Variants in FGF14 observed in about 807,000 individuals in gnomAD.
The protein encoded by FGF14 is fibroblast growth factor 14.
A neutral mutation model predicts 25.5 loss-of-function variants in FGF14; 5 were observed. The ratio of observed to expected loss-of-function variants is 0.20; its 90% CI spans 0.10 to 0.41. FGF14 has a LOEUF of 0.41. FGF14 is among the 10% of genes least tolerant of loss of function. The probability of loss-of-function intolerance (pLI) is 1.00; values close to 1 mark genes in which losing one functional copy is unlikely to be tolerated. For missense variants in FGF14, 222 were observed against 320.1 expected, an observed-to-expected ratio of 0.69 and a Z score of 2.34; for synonymous variants, 138 against 118.3, an observed-to-expected ratio of 1.17 and a Z score of -1.08.
chr13:101,864,296 A>T (rs112098872), intron 3 of FGF14, among the ~76,000 whole-genome samples: 58 of 152,250 alleles, frequency 3.8e-4, no homozygotes, highest in African/African-American at 1.3e-3. Context: ...TAGAAAATCC[A>T]AATATTTAGT....
intron 1 of FGF14, among the ~76,000 whole-genome samples, chr13:101,975,047 A>G (rs942138920): frequency 2.0e-5 from 3 of 152,002 alleles, no homozygotes; most frequent in African/African-American, 7.2e-5. Context: ...ACAAGAGAAG[A>G]TGAAGGGATG....
At chr13:101,934,036 T>C (rs1413806274) in intron 1 of FGF14, among the ~76,000 whole-genome samples, 1 of 152,190 alleles carries the variant, frequency 6.6e-6, no homozygotes, top group African/African-American at 2.4e-5. Flanking sequence ...AACTCTTGTA[T>C]TCAATTTGGT....
At position 101,715,571 on chromosome 13, in the gene FGF14, A is replaced by C. The variant is rs1281564799; in HGVS notation, c.*7260T>G. 10 of 1,611,048 alleles carry C rather than the reference A, an allele frequency of 6.2e-6. No homozygotes were observed. The East Asian group carries it at 2.2e-4, about 36-fold the overall frequency. On this transcript the variant is annotated 3_prime_UTR_variant, in exon 5 of 5. Transcript: ENST00000376143. ...TATGTATTTTATTGCAGGGAATGGAATATGTAGCTGTGGAAACTGTGAATG... is the reference window on the plus strand; with the variant it reads ...TATGTATTTTATTGCAGGGAATGGACTATGTAGCTGTGGAAACTGTGAATG...
chr13:101,882,553 T>G (rs1267701964), intron 1 of FGF14, among the ~76,000 whole-genome samples: 1 of 149,536 alleles, frequency 6.7e-6, no homozygotes, highest in Non-Finnish European at 1.5e-5. Context: ...ATTTTCTGTT[T>G]TTTTTTTTTA....
At chr13:101,998,653 T>C (rs1224934545) in intron 1 of FGF14, among the ~76,000 whole-genome samples, 2 of 152,238 alleles carry the variant, frequency 1.3e-5, no homozygotes, top group East Asian at 1.9e-4. Context: ...TGCTCCAGTC[T>C]ACCCTCACAC....
chr13:101,923,395 T>C (rs1327907002), intron 1 of FGF14, among the ~76,000 whole-genome samples: 2 of 152,096 alleles, frequency 1.3e-5, no homozygotes, highest in Admixed American at 6.5e-5. Context: ...TCTCGATAAA[T>C]GGGTTCTATT....
chr13:102,041,583 T>TAAAAAAAAAAAAAAAAA (rs11430268), intron 1 of FGF14, among the ~76,000 whole-genome samples: 40 of 141,938 alleles, frequency 2.8e-4, no homozygotes, highest in African/African-American at 1.0e-3. Context: ...TGTTTCCATG[T>TAAAAAAAAAAAAAAAAA]AAAAAAAAAA....
At chr13:102,292,296 A>C (rs986996634) in intron 1 of FGF14, 11 of 151,076 alleles carry the variant, frequency 7.3e-5, no homozygotes, top group African/African-American at 1.7e-4. Context: ...AAAAAAAAAA[A>C]AAAAAAAAAC....
chr13:101,787,945 C>T (rs1424311456), intron 3 of FGF14, among the ~76,000 whole-genome samples: 3 of 152,212 alleles, frequency 2.0e-5, no homozygotes, highest in Non-Finnish European at 2.9e-5. Flanking sequence ...GATTTCACCT[C>T]ACTGCAACCT....
intron 1 of FGF14, among the ~76,000 whole-genome samples, chr13:102,165,310 A>G (rs1433912546): frequency 6.6e-6 from 1 of 152,002 alleles, no homozygotes. Flanking sequence ...CCATCCCATT[A>G]CTGGGTATAT....
chr13:102,082,228 G>A (rs1252610913), intron 1 of FGF14, among the ~76,000 whole-genome samples: 2 of 148,944 alleles, frequency 1.3e-5, no homozygotes, highest in African/African-American at 2.5e-5. Context: ...TCATAGAAGG[G>A]GCTTAAGGAA....
intron 1 of FGF14, among the ~76,000 whole-genome samples, chr13:102,349,882 T>C (rs924565674): frequency 6.6e-6 from 1 of 152,194 alleles, no homozygotes; most frequent in Non-Finnish European, 1.5e-5. Flanking sequence ...AGTAGTCCCA[T>C]GGAAATGATG....
At chr13:102,102,488 A>T (rs1192710443) in intron 1 of FGF14, among the ~76,000 whole-genome samples, 1 of 152,146 alleles carries the variant, frequency 6.6e-6, no homozygotes, top group Admixed American at 6.5e-5. Flanking sequence ...AGAGTTGGGG[A>T]GTAGGAGCTT....
intron 4 of FGF14, 92 bp from the exon 5 acceptor site, chr13:101,723,059 T>TG: frequency 6.7e-7 from 1 of 1,482,984 alleles, no homozygotes; most frequent in East Asian, 2.3e-5. Context: ...CACTGCAGTT[T>TG]GCCCATTTCT....
chr13:102,370,656 A>G (rs1034083751), intron 1 of FGF14, among the ~76,000 whole-genome samples: 1 of 151,088 alleles, frequency 6.6e-6, no homozygotes, highest in African/African-American at 2.4e-5. Flanking sequence ...GGATTATTTT[A>G]TTTAACTAAG....
chr13:101,896,703 C>CGAA (rs2030736072), intron 1 of FGF14, among the ~76,000 whole-genome samples: 1 of 152,064 alleles, frequency 6.6e-6, no homozygotes, highest in African/African-American at 2.4e-5. Flanking sequence ...ATATGTGTAC[C>CGAA]TACATGCACG....
At chr13:102,318,041 T>A (rs918202506) in intron 1 of FGF14, among the ~76,000 whole-genome samples, 2 of 152,204 alleles carry the variant, frequency 1.3e-5, no homozygotes, top group African/African-American at 4.8e-5. Context: ...TTATTCATCA[T>A]GTTACCATCA....
At chr13:101,788,909 T>TAGAGAGAGAGAGAGAGAGAG (rs781347440) in intron 3 of FGF14, among the ~76,000 whole-genome samples, 1 of 31,214 alleles carries the variant, frequency 3.2e-5, no homozygotes, top group Non-Finnish European at 5.8e-5. Flanking sequence ...TATATATATA[T>TAGAGAGAGAGAGAGAGAGAG]AGAGAGAGAG....
At chr13:101,995,181 C>A (rs9585825) in intron 1 of FGF14, among the ~76,000 whole-genome samples, 5,234 of 152,048 alleles carry the variant, frequency 0.034, 271 homozygotes, top group African/African-American at 0.12. Flanking sequence ...TTCTAAAATT[C>A]ATTGAAAGTC....
Sources: allele counts gnomAD v4.1 joint callset (sites outside exome capture counted in the v4.1 genomes callset), GRCh38; gene constraint gnomAD v4.1.1; transcripts MANE v1.5; gene names NCBI Gene and HGNC (gene_info 2026-07-23, HGNC 2026-07-21).